Variants in C12orf42 observed in about 807,000 individuals in gnomAD.
C12orf42 encodes the protein chromosome 12 open reading frame 42.
In C12orf42, 25 loss-of-function variants were observed where a neutral mutation model predicts 21.6. That is an observed-to-expected ratio of 1.16 (90% CI 0.84 to 1.62). The LOEUF is 1.62. C12orf42 is among the 40% of genes most tolerant of loss of function. The probability of loss-of-function intolerance (pLI) is 0.00; values close to 1 mark genes in which losing one functional copy is unlikely to be tolerated. For missense variants in C12orf42, 483 were observed against 459.3 expected (o/e 1.05, Z -0.47); for synonymous variants, 174 against 175.0 (o/e 0.99, Z 0.05).
chr12:103,451,952 T>C (rs1951970666), intron 2 of C12orf42, among the ~76,000 whole-genome samples: 2 of 152,020 alleles, frequency 1.3e-5, no homozygotes, highest in Non-Finnish European at 2.9e-5. Flanking sequence ...ATCAGGTGAC[T>C]ATGGCTATGT....
intron 2 of C12orf42, among the ~76,000 whole-genome samples, chr12:103,471,093 T>C (rs965811168): frequency 8.5e-5 from 13 of 152,238 alleles, no homozygotes; most frequent in Non-Finnish European, 1.3e-4. Context: ...AAATAGATCA[T>C]GTCTCACTGG....
chr12:103,228,309 G>T, the C12orf42 span, among the ~76,000 whole-genome samples: 7 of 151,980 alleles, frequency 4.6e-5, no homozygotes, highest in East Asian at 1.2e-3. Flanking sequence ...AGTGGGGGTC[G>T]CAAGGTGCTC....
At chr12:103,129,528 C>T in the C12orf42 span, among the ~76,000 whole-genome samples, 2 of 152,186 alleles carry the variant, frequency 1.3e-5, no homozygotes, top group Admixed American at 6.5e-5. Context: ...AGATAACCAA[C>T]GTATTACTTT....
chr12:103,047,767 A>G, the C12orf42 span, among the ~76,000 whole-genome samples: 4 of 152,152 alleles, frequency 2.6e-5, no homozygotes, highest in Admixed American at 6.5e-5. Context: ...GGGCTGGCTC[A>G]TCTAGAATGG....
chr12:103,181,086 A>G, the C12orf42 span, among the ~76,000 whole-genome samples: 1 of 149,594 alleles, frequency 6.7e-6, no homozygotes, highest in African/African-American at 2.5e-5. Flanking sequence ...ACATGGTGAA[A>G]CCCCGTCTCT....
At chr12:103,253,592 A>T (rs569656127) in intron 10 of C12orf42, among the ~76,000 whole-genome samples, 61 of 152,146 alleles carry the variant, frequency 4.0e-4, no homozygotes, top group African/African-American at 1.4e-3. Flanking sequence ...TTCACTCATG[A>T]TTTGGCTCTC....
chr12:103,374,611 G>C (rs1476210575), intron 3 of C12orf42, among the ~76,000 whole-genome samples: 1 of 151,966 alleles, frequency 6.6e-6, no homozygotes, highest in East Asian at 1.9e-4. Flanking sequence ...TCTAGGTCAG[G>C]GGTGTCCAAT....
chr12:103,108,278 A>G, the C12orf42 span, among the ~76,000 whole-genome samples: 1 of 151,866 alleles, frequency 6.6e-6, no homozygotes, highest in African/African-American at 2.4e-5. Flanking sequence ...GTTTTAGAAA[A>G]GAGCAAAAAA....
chr12:103,089,552 T>G, the C12orf42 span, among the ~76,000 whole-genome samples: 1 of 152,084 alleles, frequency 6.6e-6, no homozygotes, highest in Admixed American at 6.6e-5. Context: ...ACAATATATT[T>G]TTCTTAGTGA....
chr12:103,563,130 TC>T, the C12orf42 span, among the ~76,000 whole-genome samples: 5 of 152,224 alleles, frequency 3.3e-5, no homozygotes. Context: ...ATCCCTATGC[TC>T]TTCAGGTTCC....
At chr12:103,268,097 A>G (rs1028604895), downstream of C12orf42, 31 of 152,240 alleles carry the variant, frequency 2.0e-4, no homozygotes, top group Admixed American at 1.8e-3. Flanking sequence ...TAGAATTGGA[A>G]GTTCTAGCCT....
chr12:103,355,613 T>A (rs953139204), intron 4 of C12orf42, among the ~76,000 whole-genome samples: 3 of 152,008 alleles, frequency 2.0e-5, no homozygotes, highest in Non-Finnish European at 4.4e-5. Context: ...CCCAGAGAGG[T>A]TAAACAGTTT....
the C12orf42 span, among the ~76,000 whole-genome samples, chr12:103,543,241 C>T: frequency 6.6e-6 from 1 of 152,178 alleles, no homozygotes; most frequent in African/African-American, 2.4e-5. Flanking sequence ...GAAAAAGAAA[C>T]TGATGCAGTT....
chr12:103,251,987 T>A (rs562900386), intron 10 of C12orf42, among the ~76,000 whole-genome samples: 1 of 152,224 alleles, frequency 6.6e-6, no homozygotes, highest in African/African-American at 2.4e-5. Flanking sequence ...AGTTCTGGGA[T>A]ACATGTGCTG....
intron 3 of C12orf42, among the ~76,000 whole-genome samples, chr12:103,385,907 GAA>G (rs561882333): frequency 1.8e-4 from 27 of 152,244 alleles, no homozygotes; most frequent in Non-Finnish European, 3.2e-4. Context: ...TCCCAAACCA[GAA>G]AGACTATAGC....
chr12:103,462,887 G>A (rs994822720), intron 2 of C12orf42, among the ~76,000 whole-genome samples: 2 of 152,110 alleles, frequency 1.3e-5, no homozygotes, highest in African/African-American at 4.8e-5. Flanking sequence ...GCAGCATCCT[G>A]GACAAGATCA....
the C12orf42 span, among the ~76,000 whole-genome samples, chr12:103,136,325 A>T: frequency 6.6e-6 from 1 of 152,178 alleles, no homozygotes; most frequent in Admixed American, 6.5e-5. Context: ...AACCAAGGGT[A>T]TAAAAAACCT....
the C12orf42 span, among the ~76,000 whole-genome samples, chr12:103,122,510 G>A: frequency 1.3e-5 from 2 of 152,224 alleles, no homozygotes; most frequent in African/African-American, 2.4e-5. Context: ...AAGGAGGGAT[G>A]ATAGGGAGTG....
chr12:103,177,747 C>T, the C12orf42 span, among the ~76,000 whole-genome samples: 2 of 152,046 alleles, frequency 1.3e-5, no homozygotes, highest in East Asian at 1.9e-4. Context: ...CCTCCTTCTC[C>T]GATGCTGCTT....
Sources: gnomAD v4.1 joint callset for allele counts (sites outside exome capture counted in the v4.1 genomes callset) on GRCh38, gnomAD v4.1.1 for gene constraint, MANE v1.5 for transcripts, NCBI Gene and HGNC (gene_info 2026-07-23, HGNC 2026-07-21) for gene names.